Variants in TMEM41B observed in about 807,000 individuals in gnomAD.
TMEM41B encodes transmembrane protein 41B, also known as protein stasimon.
In TMEM41B, 18 loss-of-function variants were observed where a neutral mutation model predicts 31.9. The observed-to-expected ratio is 0.56, with a 90% CI of 0.39 to 0.84. The LOEUF (loss-of-function observed/expected upper bound fraction) is 0.84. Among genes scored for constraint, TMEM41B ranks in the 40% least tolerant of loss-of-function variants. TMEM41B has a pLI of 0.00. For missense variants in TMEM41B, 322 were observed against 348.0 expected, an observed-to-expected ratio of 0.93 and a Z score of 0.59; for synonymous variants, 144 against 124.3, an observed-to-expected ratio of 1.16 and a Z score of -1.05.
chr11:9,312,829 A>G (rs569007959), intron 1 of TMEM41B, among the ~76,000 whole-genome samples: 74 of 148,740 alleles, frequency 5.0e-4, no homozygotes, highest in African/African-American at 1.6e-3. Flanking sequence ...GCGTGAACCC[A>G]GGAGGCGGAG....
chr11:9,300,258 T>G (rs1371528041), intron 1 of TMEM41B, among the ~76,000 whole-genome samples: 1 of 152,170 alleles, frequency 6.6e-6, no homozygotes, highest in African/African-American at 2.4e-5. Context: ...AGCATTGGTT[T>G]ATTGATAAGC....
intron 1 of TMEM41B, among the ~76,000 whole-genome samples, chr11:9,307,960 T>C (rs1212623233): frequency 6.6e-6 from 1 of 151,670 alleles, no homozygotes; most frequent in Non-Finnish European, 1.5e-5. Context: ...GTGGTCTGGA[T>C]CTCCTGACCT....
At chr11:9,301,843 A>C (rs188016027) in intron 1 of TMEM41B, among the ~76,000 whole-genome samples, 4 of 152,216 alleles carry the variant, frequency 2.6e-5, no homozygotes, top group Non-Finnish European at 5.9e-5. Context: ...CGCCGAAGAC[A>C]TGTATCAGAA....
rs907607849 is a variant in TMEM41B at position 9,287,702 on chromosome 11, C to T, written c.567G>A (p.Gln189=). 1.3e-6 allele frequency: 2 copies of T among 1,599,802 alleles called. No individual in the cohort carries two copies. The highest frequency in any genetic ancestry group is 1.7e-6 in the Non-Finnish European group (2 of 1,171,522). ...AAATAATTTAAAAATACATGTTTAC[C>T]TGCTGTGACCATTTTACTGCTTTCT... ...LTEKAVKWSQ[Q]VERHREHLIN... is the part of the protein sequence containing the mutation. The change falls in exon 5 of 7, where the codon CAG becomes CAA. Residue 189 remains glutamine, a splice_region_variant and synonymous_variant. Coordinates refer to ENST00000528080, the MANE Select transcript of TMEM41B (RefSeq NM_015012.4).
At chr11:9,299,749 T>G (rs778841177) in intron 1 of TMEM41B, 48 bp from the exon 2 acceptor site, 7 of 1,293,012 alleles carry the variant, frequency 5.4e-6, no homozygotes, top group Non-Finnish European at 5.5e-6. Context: ...AAGGAAGACA[T>G]GCTAGCAAAT....
At chr11:9,294,390 G>A (rs1853035821) in intron 3 of TMEM41B, among the ~76,000 whole-genome samples, 1 of 151,618 alleles carries the variant, frequency 6.6e-6, no homozygotes, top group Non-Finnish European at 1.5e-5. Context: ...AGCTACTTGG[G>A]AGGCTGAGAC....
chr11:9,299,477 C>A, intron 2 of TMEM41B, 107 bp downstream of exon 2: 1 of 750,122 alleles, frequency 1.3e-6, no homozygotes. Context: ...CCCACCTCGG[C>A]CTCCCAAAGT....
rs750425103 is a variant in TMEM41B at position 9,314,382 on chromosome 11, C to G, written c.60G>C (p.Val20=). ...SQLGAHHTTP[V]GDGAAGTRGL... is the part of the protein sequence containing the mutation. The stretch of plus-strand genomic sequence containing the variant: ...CCCGCGTCCCCGCTGCCCCGTCCCC[C>G]ACGGGGGTCGTGTGGTGAGCGCCCA... Residue 20 remains valine (V), a synonymous_variant, in exon 1 of 7, where the codon GTG becomes GTC. Coordinates refer to ENST00000528080, the MANE Select transcript of TMEM41B (RefSeq NM_015012.4). 13 of 1,577,440 alleles carry G rather than the reference C, an allele frequency of 8.2e-6. No individual in the cohort carries two copies. In the South Asian group the frequency reaches 1.3e-4, roughly 15 times the overall value.
intron 1 of TMEM41B, among the ~76,000 whole-genome samples, chr11:9,306,106 G>T (rs1853386511): frequency 6.7e-6 from 1 of 150,074 alleles, no homozygotes; most frequent in Non-Finnish European, 1.5e-5. Flanking sequence ...AGCCTCCCAA[G>T]CAACTGGGAT....
intron 1 of TMEM41B, among the ~76,000 whole-genome samples, chr11:9,301,531 A>G (rs1853259596): frequency 6.6e-6 from 1 of 152,118 alleles, no homozygotes; most frequent in African/African-American, 2.4e-5. Context: ...AAAGTTTACA[A>G]ATGTGTATTA....
chr11:9,307,548 T>C (rs1232091881), intron 1 of TMEM41B, among the ~76,000 whole-genome samples: 1 of 151,996 alleles, frequency 6.6e-6, no homozygotes, highest in East Asian at 1.9e-4. Context: ...GTTCAAGCAA[T>C]TCTCCTGCCT....
intron 2 of TMEM41B, among the ~76,000 whole-genome samples, chr11:9,298,437 C>A (rs1590380779): frequency 7.6e-6 from 1 of 130,880 alleles, no homozygotes; most frequent in African/African-American, 2.9e-5. Context: ...CCAGCCTGGG[C>A]AACTATCTCA....
rs201455362 is a variant in TMEM41B, at chr11:9,299,554, C to T, written c.239+30G>A. 370 of 1,378,384 alleles carry T rather than the reference C, an allele frequency of 2.7e-4. 1 individual carries two copies. Among genetic ancestry groups the T allele is most frequent in the Non-Finnish European group, 3.7e-4 (363 of 979,122 alleles). 85.4% of individuals were successfully genotyped at this position (1,378,384 alleles called of 1,614,324 possible). On this transcript the variant is annotated intron_variant, in intron 2 of 6. Coordinates refer to ENST00000528080, the MANE Select transcript of TMEM41B (RefSeq NM_015012.4). The stretch of plus-strand genomic sequence containing the variant: ...CACTTTCATCTTATAAATATCTATA[C>T]ATTTTCAGTTTATCTCTCAGTATAC...
chr11:9,305,308 A>G (rs935593849), intron 1 of TMEM41B, among the ~76,000 whole-genome samples: 4 of 152,112 alleles, frequency 2.6e-5, no homozygotes, highest in Non-Finnish European at 4.4e-5. Flanking sequence ...ATGATAATTT[A>G]TAATTATAGG....
At chr11:9,309,395 T>C (rs1853495074) in intron 1 of TMEM41B, among the ~76,000 whole-genome samples, 1 of 151,852 alleles carries the variant, frequency 6.6e-6, no homozygotes, top group African/African-American at 2.4e-5. Flanking sequence ...TTTTCTGTCG[T>C]AGACCAAAAA....
In TMEM41B at chr11:9,287,748, A is replaced by G. The variant is rs763239841; in HGVS notation, c.521T>C (p.Val174Ala). 1.2e-6 allele frequency: 2 copies of G among 1,613,626 alleles called. No individual in the cohort carries two copies. The highest frequency in any genetic ancestry group is 1.3e-5 in the African/African-American group (1 of 74,928). Reference sequence around the variant, plus strand: ...TTTCTCTGTTAGGTATTTGTATACAACTGGTCTCCCAACTAAATAGGAAAG... The same window carrying G: ...TTTCTCTGTTAGGTATTTGTATACAGCTGGTCTCCCAACTAAATAGGAAAG... ...YMLSYLVGRP[V>A]VYKYLTEKAV... The change falls in exon 5 of 7, where the codon GTT becomes GCT. Residue 174 changes from valine to alanine, a missense_variant. By Grantham distance (64) the Val-to-Ala change is moderately conservative. Around this residue, in one of 3 missense-constraint regions of TMEM41B, gnomAD observed 47 missense variants for 84.8 expected, o/e 0.55. Transcript: ENST00000528080.
intron 6 of TMEM41B, among the ~76,000 whole-genome samples, chr11:9,284,750 G>T (rs962556547): frequency 7.1e-6 from 1 of 140,414 alleles, no homozygotes; most frequent in Non-Finnish European, 1.5e-5. Flanking sequence ...GCGACAGAGA[G>T]AGAATCTGTC....
At chr11:9,290,883 C>A (rs1487008651) in intron 3 of TMEM41B, among the ~76,000 whole-genome samples, 1 of 152,078 alleles carries the variant, frequency 6.6e-6, no homozygotes, top group Non-Finnish European at 1.5e-5. Flanking sequence ...CTTTAGGCAG[C>A]TGAGGGTGGA....
chr11:9,285,881 C>CT (rs1852825710), intron 6 of TMEM41B, among the ~76,000 whole-genome samples: 1 of 151,520 alleles, frequency 6.6e-6, no homozygotes, highest in Non-Finnish European at 1.5e-5. Context: ...CTTTGGGAGG[C>CT]TGAGGTAGGT....
Sources: allele counts gnomAD v4.1 joint callset (sites outside exome capture counted in the v4.1 genomes callset), GRCh38; gene constraint gnomAD v4.1.1; regional missense constraint gnomAD v4.1.1; transcripts MANE v1.5; gene names NCBI Gene and HGNC (gene_info 2026-07-23, HGNC 2026-07-21).